Variants in KLC2 observed in about 807,000 individuals in gnomAD.
The protein encoded by KLC2 is KLC 2.
Under a neutral mutation model 75.1 loss-of-function variants are expected in KLC2, and 35 were observed. The observed-to-expected ratio is 0.47, with a 90% CI of 0.36 to 0.62. The LOEUF is 0.62. Ranked by LOEUF, KLC2 falls within the 20% of genes least tolerant of loss-of-function variation. The pLI, the probability that KLC2 is intolerant of heterozygous loss-of-function variation, is 0.00. For missense variants in KLC2, 611 were observed against 833.2 expected (o/e 0.73, Z 3.28); for synonymous variants, 314 against 336.7 (o/e 0.93, Z 0.74).
intron 9 of KLC2, 111 bp from the exon 10 acceptor site, chr11:66,264,912 A>G (rs1856707082): frequency 1.0e-6 from 1 of 970,300 alleles, no homozygotes; most frequent in Non-Finnish European, 1.6e-6. Context: ...TTGTTCATGC[A>G]TTCAACGAAG....
In KLC2 at chr11:66,263,370, T is replaced by C. The variant is rs1764763181; in HGVS notation, c.753-290T>C. On this transcript the variant is annotated intron_variant, in intron 5 of 15. Coordinates refer to ENST00000394067, the MANE Select transcript of KLC2 (RefSeq NM_001318734.2). ...CAGCATGAGCAAAGGCACTGGGACC[T>C]GGAGAGCAGGACACGCTAAAGGGGC... Among the ~76,000 whole-genome samples, 3 of 152,144 alleles carry C rather than the reference T, an allele frequency of 2.0e-5. No homozygotes were observed. The South Asian group carries it at 6.2e-4, about 32-fold the overall frequency.
At position 66,267,783 on chromosome 11, in the gene KLC2, G is replaced by A. The variant is rs1267446146; in HGVS notation, c.*827G>A. The A allele has an allele frequency of 2.4e-5, 11 of 450,508 alleles. No individual in the cohort carries two copies. Among genetic ancestry groups the A allele is most frequent in the Admixed American group, 4.1e-5 (1 of 24,144 alleles). The allele number at this position is 450,508 out of a possible 1,614,324, so 27.9% of individuals were successfully genotyped here. On this transcript the variant is annotated 3_prime_UTR_variant, in exon 16 of 16. Coordinates refer to ENST00000394067, the MANE Select transcript of KLC2 (RefSeq NM_001318734.2). ...CGACGGTCCCCTGGTGGCAGGAGGG[G>A]CTCCCCCTGTTGCGGGTGAGGCGGC...
chr11:66,250,913 T>C, the KLC2 span, among the ~76,000 whole-genome samples: 6 of 152,276 alleles, frequency 3.9e-5, no homozygotes, highest in Admixed American at 2.6e-4. Flanking sequence ...GTTACCACTG[T>C]GAGCCAGAGC....
Position 66,263,029 on chromosome 11 carries a change from G to A in KLC2, c.745G>A (p.Val249Ile). ...CACCATGCTGAACATCCTGGCACTG[G>A]TCTATCGGTGAGGACTCTCTGGGGG... ...VATMLNILALVYRDQNKYKEA... is the reference protein window; with the variant it reads ...VATMLNILALIYRDQNKYKEA... Residue 249 changes from valine to isoleucine, a missense_variant, in exon 5 of 16, where the codon GTC (valine) becomes ATC (isoleucine). Physicochemically the swap from Val to Ile is conservative, Grantham distance 29. Coordinates refer to ENST00000394067, the MANE Select transcript of KLC2 (RefSeq NM_001318734.2). 1.2e-6 allele frequency: 2 copies of A among 1,613,090 alleles called. No homozygotes were observed. The highest frequency in any genetic ancestry group is 2.2e-5 in the South Asian group (2 of 91,060).
chr11:66,265,254 GGC>G lies in KLC2; in HGVS notation c.1334+20_1334+21del. Reference sequence around the variant, plus strand: ...TAGACAGGTGAGTGGGGCGGGGCTGGGCTGGGGAGCAGGGCACGGCAGGGCGG... The same window carrying G: ...TAGACAGGTGAGTGGGGCGGGGCTGGTGGGGAGCAGGGCACGGCAGGGCGG... On this transcript the variant is annotated intron_variant, in intron 11 of 15. Coordinates refer to ENST00000394067, the MANE Select transcript of KLC2 (RefSeq NM_001318734.2). 1.3e-6 allele frequency: 2 copies of G among 1,541,054 alleles called. No individual in the cohort carries two copies. The highest frequency in any genetic ancestry group is 9.0e-7 in the Non-Finnish European group (1 of 1,113,714).
chr11:66,244,843 G>A, the KLC2 span: 2 of 152,212 alleles, frequency 1.3e-5, no homozygotes, highest in Non-Finnish European at 2.9e-5. Flanking sequence ...CAGGAACGTA[G>A]GTGGAAAGAA....
At chr11:66,247,092 G>A in the KLC2 span, among the ~76,000 whole-genome samples, 2 of 152,274 alleles carry the variant, frequency 1.3e-5, no homozygotes, top group African/African-American at 4.8e-5. Flanking sequence ...CTTCAGTTCC[G>A]AGGCCGAAAA....
At chr11:66,248,361 C>T in the KLC2 span, among the ~76,000 whole-genome samples, 1 of 152,068 alleles carries the variant, frequency 6.6e-6, no homozygotes, top group Non-Finnish European at 1.5e-5. Flanking sequence ...GGTTCACTCC[C>T]ATAATCACAG....
In KLC2 at chr11:66,264,422, GAA is replaced by G; in HGVS notation, c.1196_1197del (p.Lys399ArgfsTer25). 1 of 1,613,386 alleles carries G rather than the reference GAA, an allele frequency of 6.2e-7. No homozygotes were observed. The highest frequency in any genetic ancestry group is 8.5e-7 in the Non-Finnish European group (1 of 1,179,676). ...YKEILTRAHE[K>X]EFGSVNGDNK... The stretch of plus-strand genomic sequence containing the variant: ...AGGAGATCCTCACCCGCGCTCATGA[GAA>G]AGAGTTTGGCTCTGTCAATGGTGAG... On this transcript the variant is annotated frameshift_variant, in exon 9 of 16. Coordinates refer to ENST00000394067, the MANE Select transcript of KLC2 (RefSeq NM_001318734.2). LOFTEE classifies it high-confidence loss of function.
At chr11:66,256,078 T>C (rs900681458), upstream of KLC2, among the ~76,000 whole-genome samples, 1 of 152,110 alleles carries the variant, frequency 6.6e-6, no homozygotes, top group African/African-American at 2.4e-5. Flanking sequence ...TGTATGTCTT[T>C]TGAATGTTGC....
rs772393115 is a variant in KLC2 at position 66,263,756 on chromosome 11, G to C, written c.840+9G>C. 1.2e-6 allele frequency: 2 copies of C among 1,610,962 alleles called. No homozygotes were observed. Among genetic ancestry groups the C allele is most frequent in the African/African-American group, 2.7e-5 (2 of 74,998 alleles). ...GCAAGGACCACCCAGCCGTGAGTGA[G>C]GGTTGGGTGGGAGGTGGGGGCTGTG... On this transcript the variant is annotated intron_variant, in intron 6 of 15. Transcript: ENST00000394067.
upstream of KLC2, among the ~76,000 whole-genome samples, chr11:66,256,418 G>T (rs988093440): frequency 2.0e-5 from 3 of 152,012 alleles, no homozygotes; most frequent in Admixed American, 6.5e-5. Flanking sequence ...GGTGAAACCC[G>T]TATCTACTAA....
chr11:66,245,272 C>A, the KLC2 span, among the ~76,000 whole-genome samples: 1 of 152,196 alleles, frequency 6.6e-6, no homozygotes, highest in African/African-American at 2.4e-5. Context: ...AAGTGTGTGC[C>A]TTCCCCATGA....
intron 2 of KLC2, among the ~76,000 whole-genome samples, chr11:66,259,079 G>A (rs1019707139): frequency 6.6e-6 from 1 of 152,142 alleles, no homozygotes; most frequent in Non-Finnish European, 1.5e-5. Flanking sequence ...AGACTGGATG[G>A]CATATGAGAA....
upstream of KLC2, among the ~76,000 whole-genome samples, chr11:66,254,643 T>A (rs1391953933): frequency 4.4e-5 from 5 of 112,534 alleles, no homozygotes; most frequent in Non-Finnish European, 7.0e-5. Context: ...GCACCCTGGG[T>A]GACAGTGGGA....
At chr11:66,257,294 G>A (rs1254133530), upstream of KLC2, 1 of 152,200 alleles carries the variant, frequency 6.6e-6, no homozygotes. Flanking sequence ...GGTCAGATCT[G>A]CGAGCCAGAT....
At chr11:66,262,692 GAA>G (rs900260629) in intron 4 of KLC2, 120 bp from the exon 5 acceptor site, 1 of 708,396 alleles carries the variant, frequency 1.4e-6, no homozygotes, top group African/African-American at 1.8e-5. Flanking sequence ...GGGAAACTGA[GAA>G]AGAGTGGTTA....
At position 66,266,221 on chromosome 11, in the gene KLC2, A is replaced by G. The variant is rs1430369795; in HGVS notation, c.1727+4A>G. On this transcript the variant is annotated splice_donor_region_variant and intron_variant, in intron 14 of 15. Transcript: ENST00000394067. ...CCCAGGAGCCCCCTAACCCCAGGTG[A>G]GCCCCCCACCAAGGTGAGCCTCAAG... 1 of 1,597,366 alleles carries G rather than the reference A, an allele frequency of 6.3e-7. No homozygotes were observed. The highest frequency in any genetic ancestry group is 8.5e-7 in the Non-Finnish European group (1 of 1,171,402).
intron 13 of KLC2, 21 bp downstream of exon 13, chr11:66,266,033 G>A (rs779844557): frequency 3.1e-6 from 5 of 1,613,434 alleles, no homozygotes; most frequent in East Asian, 2.2e-5. Flanking sequence ...GGCCTGGGCC[G>A]GGTCGGGCTG....
Sources: allele counts gnomAD v4.1 joint callset (sites outside exome capture counted in the v4.1 genomes callset), GRCh38; gene constraint gnomAD v4.1.1; transcripts MANE v1.5; gene names NCBI Gene and HGNC (gene_info 2026-07-23, HGNC 2026-07-21).